LYPD6B: variants seen among roughly 807,000 people sequenced by gnomAD.
The protein encoded by LYPD6B is ly6/PLAUR domain-containing protein 6B.
Under a neutral mutation model 22.8 loss-of-function variants are expected in LYPD6B, and 17 were observed. That is an observed-to-expected ratio of 0.75 (90% CI 0.51 to 1.12). The LOEUF is 1.12. LYPD6B is among the 50% of genes most tolerant of loss of function. LYPD6B has a pLI of 0.00. For missense variants in LYPD6B, 221 were observed against 258.3 expected, an observed-to-expected ratio of 0.86 and a Z score of 0.99; for synonymous variants, 106 against 91.6, an observed-to-expected ratio of 1.16 and a Z score of -0.90.
At chr2:149,120,995 T>C (rs1471880387) in intron 1 of LYPD6B, among the ~76,000 whole-genome samples, 1 of 152,002 alleles carries the variant, frequency 6.6e-6, no homozygotes, top group Non-Finnish European at 1.5e-5. Flanking sequence ...TTTCACCATG[T>C]TGGCCAGGCT....
intron 1 of LYPD6B, among the ~76,000 whole-genome samples, chr2:149,063,537 A>G (rs1343070243): frequency 5.3e-5 from 8 of 152,356 alleles, no homozygotes; most frequent in Admixed American, 3.3e-4. Flanking sequence ...AAAAGCTGCC[A>G]TGTATATTTG....
At chr2:149,076,721 G>A (rs1355544921) in intron 1 of LYPD6B, among the ~76,000 whole-genome samples, 1 of 152,114 alleles carries the variant, frequency 6.6e-6, no homozygotes, top group Non-Finnish European at 1.5e-5. Flanking sequence ...AACTGTTCTG[G>A]ATCTAATATA....
intron 1 of LYPD6B, among the ~76,000 whole-genome samples, chr2:149,102,732 C>T (rs536773643): frequency 3.5e-4 from 53 of 152,216 alleles, no homozygotes; most frequent in Middle Eastern, 3.4e-3. Flanking sequence ...TGGGTTGAAG[C>T]GATTCTCCTG....
intron 2 of LYPD6B, among the ~76,000 whole-genome samples, chr2:149,153,547 C>T (rs964312054): frequency 7.2e-5 from 11 of 151,928 alleles, no homozygotes; most frequent in Admixed American, 5.9e-4. Context: ...GAGGCCGAGG[C>T]GGGCGAATCA....
chr2:149,078,070 C>T (rs1358053964), intron 1 of LYPD6B, among the ~76,000 whole-genome samples: 1 of 152,146 alleles, frequency 6.6e-6, no homozygotes, highest in Non-Finnish European at 1.5e-5. Flanking sequence ...GTTAATTCAC[C>T]TGGTAGGCTG....
intron 1 of LYPD6B, among the ~76,000 whole-genome samples, chr2:149,060,271 A>T (rs1684014522): frequency 6.6e-6 from 1 of 152,140 alleles, no homozygotes; most frequent in Non-Finnish European, 1.5e-5. Context: ...ACCACTTTCC[A>T]ACTGTGGGCA....
At chr2:149,106,452 A>C (rs1265864455) in intron 1 of LYPD6B, among the ~76,000 whole-genome samples, 1 of 152,146 alleles carries the variant, frequency 6.6e-6, no homozygotes, top group Non-Finnish European at 1.5e-5. Context: ...CAATTGCTCT[A>C]ATAGATGTAG....
intron 3 of LYPD6B, among the ~76,000 whole-genome samples, chr2:149,196,532 G>T (rs1374343257): frequency 1.3e-5 from 2 of 152,194 alleles, no homozygotes; most frequent in Non-Finnish European, 2.9e-5. Flanking sequence ...AAAAAGACAG[G>T]ACAGATGCAT....
At chr2:149,061,783 A>C (rs1684095004) in intron 1 of LYPD6B, among the ~76,000 whole-genome samples, 1 of 152,182 alleles carries the variant, frequency 6.6e-6, no homozygotes, top group African/African-American at 2.4e-5. Flanking sequence ...ACATTCTTAT[A>C]GGGTATACTT....
chr2:149,162,194 T>A (rs1024682743), intron 3 of LYPD6B, among the ~76,000 whole-genome samples: 1 of 152,280 alleles, frequency 6.6e-6, no homozygotes, highest in African/African-American at 2.4e-5. Context: ...GTAACTCTAT[T>A]ATTAACCATC....
chr2:149,125,321 C>G (rs1014785153), intron 1 of LYPD6B, among the ~76,000 whole-genome samples: 2 of 152,278 alleles, frequency 1.3e-5, no homozygotes, highest in Middle Eastern at 6.8e-3. Flanking sequence ...AGATTACTCT[C>G]TAGACACAGC....
intron 6 of LYPD6B, 45 bp from the exon 7 acceptor site, chr2:149,214,501 T>C: frequency 6.3e-7 from 1 of 1,587,448 alleles, no homozygotes; most frequent in Middle Eastern, 1.7e-4. Flanking sequence ...GCCCCTTCCC[T>C]CTTCTATTAT....
chr2:149,113,079 T>C (rs1015152968), intron 1 of LYPD6B, among the ~76,000 whole-genome samples: 71 of 152,286 alleles, frequency 4.7e-4, no homozygotes, highest in African/African-American at 1.6e-3. Flanking sequence ...GAAAATGGAA[T>C]GCATCAGAAA....
At chr2:149,183,769 C>G (rs962061907) in intron 3 of LYPD6B, among the ~76,000 whole-genome samples, 1 of 151,768 alleles carries the variant, frequency 6.6e-6, no homozygotes, top group African/African-American at 2.4e-5. Flanking sequence ...CCTCATATAG[C>G]GCACAGTAAG....
At chr2:149,176,906 A>T (rs902061037) in intron 3 of LYPD6B, among the ~76,000 whole-genome samples, 3 of 152,264 alleles carry the variant, frequency 2.0e-5, no homozygotes, top group South Asian at 2.1e-4. Flanking sequence ...TAACTCTGCT[A>T]AAAAGTGCCT....
intron 1 of LYPD6B, among the ~76,000 whole-genome samples, chr2:149,092,317 G>A (rs1525176): frequency 0.24 from 36,513 of 151,928 alleles, 4,957 homozygotes; most frequent in East Asian, 0.5. Flanking sequence ...TTATGCAGGG[G>A]TGCTGAGTAG....
chr2:149,135,492 G>T (rs1042706264), intron 2 of LYPD6B, among the ~76,000 whole-genome samples: 1 of 151,760 alleles, frequency 6.6e-6, no homozygotes, highest in African/African-American at 2.4e-5. Context: ...GGCCAAGGCG[G>T]GTGGATCACC....
chr2:149,113,443 A>C (rs575846625), intron 1 of LYPD6B, among the ~76,000 whole-genome samples: 2 of 152,302 alleles, frequency 1.3e-5, no homozygotes, highest in South Asian at 4.2e-4. Flanking sequence ...TTCTGAGATG[A>C]AGTCAAGAAA....
At chr2:149,108,588 C>A (rs956316759) in intron 1 of LYPD6B, among the ~76,000 whole-genome samples, 8 of 152,088 alleles carry the variant, frequency 5.3e-5, no homozygotes, top group African/African-American at 1.9e-4. Flanking sequence ...TTTATGTTTA[C>A]GTTTAAAGTG....
Sources: allele counts gnomAD v4.1 joint callset (sites outside exome capture counted in the v4.1 genomes callset), GRCh38; gene constraint gnomAD v4.1.1; transcripts MANE v1.5; gene names NCBI Gene and HGNC (gene_info 2026-07-23, HGNC 2026-07-21).